The following KCNIP1 variants were observed in gnomAD, a reference collection of about 807,000 sequenced individuals.
KCNIP1 encodes A-type potassium channel modulatory protein KCNIP1.
Under a neutral mutation model 33.0 loss-of-function variants are expected in KCNIP1, and 18 were observed. The ratio of observed to expected loss-of-function variants is 0.55; its 90% CI spans 0.38 to 0.81. The LOEUF (loss-of-function observed/expected upper bound fraction) is 0.81, where lower values mean the gene tolerates loss of function less well. Among genes scored for constraint, KCNIP1 ranks in the 30% least tolerant of loss-of-function variants. KCNIP1 has a pLI of 0.00. For missense variants in KCNIP1, 238 were observed against 271.6 expected (o/e 0.88, Z 0.87); for synonymous variants, 93 against 98.3 (o/e 0.95, Z 0.32).
chr5:170,603,250 G>T (rs775695842), intron 1 of KCNIP1, among the ~76,000 whole-genome samples: 2 of 152,236 alleles, frequency 1.3e-5, no homozygotes, highest in Non-Finnish European at 2.9e-5. Context: ...GGAATTCAAA[G>T]TGTCGCTGGA....
chr5:170,582,284 G>A (rs1377822155), intron 1 of KCNIP1, among the ~76,000 whole-genome samples: 1 of 152,200 alleles, frequency 6.6e-6, no homozygotes, highest in East Asian at 1.9e-4. Context: ...AGGTTGGCAG[G>A]TGGCTCCACC....
At chr5:170,675,617 C>A (rs114385613) in intron 1 of KCNIP1, among the ~76,000 whole-genome samples, 2,431 of 152,284 alleles carry the variant, frequency 0.016, 28 homozygotes, top group Non-Finnish European at 0.027. Context: ...AAGCCCCCAT[C>A]TCTAAAATAA....
At chr5:170,475,789 C>T (rs904449191) in intron 1 of KCNIP1, among the ~76,000 whole-genome samples, 2 of 151,930 alleles carry the variant, frequency 1.3e-5, no homozygotes, top group African/African-American at 4.8e-5. Flanking sequence ...ACTAACAGAC[C>T]CAATTTTGTT....
chr5:170,683,954 A>G (rs893703074), intron 1 of KCNIP1, among the ~76,000 whole-genome samples: 1 of 149,606 alleles, frequency 6.7e-6, no homozygotes, highest in African/African-American at 2.5e-5. Context: ...ACAGGGTTTC[A>G]CCATGTTGCC....
chr5:170,382,158 C>A (rs750501279), intron 1 of KCNIP1, among the ~76,000 whole-genome samples: 1 of 152,162 alleles, frequency 6.6e-6, no homozygotes, highest in Non-Finnish European at 1.5e-5. Context: ...AGTAACTGGA[C>A]CCACACACCT....
In KCNIP1 at chr5:170,735,896, C is replaced by T; in HGVS notation, c.*90C>T. ...TCTGCCCTTGTTCTGATTTTACACA[C>T]CAACTCTTGGGACAGAAACACCTTT... On this transcript the variant is annotated 3_prime_UTR_variant, in exon 8 of 8. Transcript: ENST00000328939. 1 of 1,150,364 alleles carries T rather than the reference C, an allele frequency of 8.7e-7. No homozygotes were observed. Among genetic ancestry groups the T allele is most frequent in the Non-Finnish European group, 1.3e-6 (1 of 767,394 alleles). 71.3% of individuals were successfully genotyped at this position (1,150,364 alleles called of 1,614,324 possible).
intron 5 of KCNIP1, among the ~76,000 whole-genome samples, chr5:170,731,035 A>G (rs566423386): frequency 7.2e-5 from 11 of 152,368 alleles, no homozygotes; most frequent in African/African-American, 2.6e-4. Context: ...TCTTCCTTAC[A>G]GAAGAATTGT....
intron 5 of KCNIP1, among the ~76,000 whole-genome samples, chr5:170,731,041 A>C (rs10475953): frequency 0.14 from 21,796 of 152,206 alleles, 2,088 homozygotes; most frequent in African/African-American, 0.27. Flanking sequence ...TTACAGAAGA[A>C]TTGTAATTAA....
At chr5:170,484,040 A>C (rs749537877) in intron 1 of KCNIP1, 3 of 152,280 alleles carry the variant, frequency 2.0e-5, no homozygotes, top group Non-Finnish European at 4.4e-5. Flanking sequence ...TGAGACTGGC[A>C]GCCTAAAAAA....
upstream of KCNIP1, among the ~76,000 whole-genome samples, chr5:170,499,272 G>T (rs146764651): frequency 2.6e-5 from 4 of 152,178 alleles, no homozygotes; most frequent in Non-Finnish European, 4.4e-5. Context: ...GATGGGAGCC[G>T]AGGGAAATGC....
At chr5:170,389,351 G>C (rs1581141128) in intron 1 of KCNIP1, 1 of 145,420 alleles carries the variant, frequency 6.9e-6, no homozygotes. Context: ...CAGAGCTTCA[G>C]CAGGAAGTTT....
chr5:170,698,283 A>ACC (rs1762968975), intron 1 of KCNIP1, among the ~76,000 whole-genome samples: 1 of 152,196 alleles, frequency 6.6e-6, no homozygotes, highest in Non-Finnish European at 1.5e-5. Context: ...TTAGTGACTT[A>ACC]CCCAAGGCCA....
chr5:170,716,377 T>C (rs897605461), intron 1 of KCNIP1, among the ~76,000 whole-genome samples: 5 of 152,192 alleles, frequency 3.3e-5, no homozygotes, highest in Non-Finnish European at 1.5e-5. Context: ...TTACAATTCT[T>C]ACTATAAAAT....
intron 1 of KCNIP1, among the ~76,000 whole-genome samples, chr5:170,556,685 C>A (rs1323627009): frequency 6.6e-6 from 1 of 152,238 alleles, no homozygotes; most frequent in Non-Finnish European, 1.5e-5. Context: ...AGTGTCTCTT[C>A]CGATGGTCTC....
intron 1 of KCNIP1, among the ~76,000 whole-genome samples, chr5:170,647,060 C>A (rs1760814881): frequency 6.6e-6 from 1 of 151,974 alleles, no homozygotes; most frequent in South Asian, 2.1e-4. Context: ...AACATATGTA[C>A]AAGATCTATA....
intron 1 of KCNIP1, among the ~76,000 whole-genome samples, chr5:170,359,273 A>G (rs1581105874): frequency 6.6e-6 from 1 of 152,166 alleles, no homozygotes; most frequent in East Asian, 1.9e-4. Context: ...GGGTGTGGGA[A>G]AATACACACA....
chr5:170,722,015 CAAAGACATGT>C, intron 4 of KCNIP1, 112 bp downstream of exon 4: 1 of 1,238,080 alleles, frequency 8.1e-7, no homozygotes, highest in Non-Finnish European at 1.1e-6. Flanking sequence ...TCAGTCAGAC[CAAAGACATGT>C]TTATCCATTT....
At chr5:170,619,879 C>T (rs1276388058) in intron 1 of KCNIP1, among the ~76,000 whole-genome samples, 1 of 152,136 alleles carries the variant, frequency 6.6e-6, no homozygotes, top group African/African-American at 2.4e-5. Context: ...ATCCTCAGAT[C>T]ACTATGTCAG....
At chr5:170,488,066 AC>A (rs1323572411) in intron 1 of KCNIP1, among the ~76,000 whole-genome samples, 1 of 152,124 alleles carries the variant, frequency 6.6e-6, no homozygotes, top group African/African-American at 2.4e-5. Flanking sequence ...TTTTCTGTGA[AC>A]CCCCAATATA....
Sources: allele counts gnomAD v4.1 joint callset (sites outside exome capture counted in the v4.1 genomes callset), GRCh38; gene constraint gnomAD v4.1.1; transcripts MANE v1.5; gene names NCBI Gene and HGNC (gene_info 2026-07-23, HGNC 2026-07-21).